CACNA1H: variants seen among roughly 807,000 people sequenced by gnomAD.
CACNA1H encodes the protein calcium voltage-gated channel subunit alpha1 H, also known as voltage-dependent T-type calcium channel subunit alpha-1H.
CACNA1H carries 149 observed loss-of-function variants against 192.5 expected under a neutral mutation model. The ratio of observed to expected loss-of-function variants is 0.77; its 90% CI spans 0.68 to 0.89. The LOEUF (loss-of-function observed/expected upper bound fraction) is 0.89, where lower values mean the gene tolerates loss of function less well. Ranked by LOEUF, CACNA1H falls within the 40% of genes least tolerant of loss-of-function variation. The pLI, the probability that CACNA1H is intolerant of heterozygous loss-of-function variation, is 0.00. For missense variants in CACNA1H, 4,257 were observed against 3,423.5 expected, an observed-to-expected ratio of 1.24 and a Z score of -6.08; for synonymous variants, 2,202 against 1,475.2, an observed-to-expected ratio of 1.49 and a Z score of -11.29.
chr16:1,205,995 G>A, intron 11 of CACNA1H, 109 bp from the exon 12 acceptor site: 1 of 1,016,642 alleles, frequency 9.8e-7, no homozygotes, highest in Non-Finnish European at 1.4e-6. Flanking sequence ...TCTGTGGGAT[G>A]CAGCACAGGC....
Position 1,206,161 on chromosome 16 carries a change from G to T in CACNA1H, c.2661G>T (p.Arg887=). ...GCTTGTCTGTGCTGCGCACCTTCCG[G>T]CTGCTGCGTGTGCTGAAGCTGGTGC... is the stretch of plus-strand genomic sequence containing the variant. ...DGGLSVLRTF[R]LLRVLKLVRF... The change falls in exon 12 of 35, where the codon CGG becomes CGT. Residue 887 remains arginine (R), a synonymous_variant. Transcript: ENST00000348261. 2 of 1,585,622 alleles carry T rather than the reference G, an allele frequency of 1.3e-6. No homozygotes were observed.
At position 1,200,775 on chromosome 16, in the gene CACNA1H, C is replaced by A; in HGVS notation, c.1179C>A (p.Phe393Leu). Residue 393 changes from phenylalanine to leucine, a missense_variant, in exon 8 of 35, where the codon TTC becomes TTA. By Grantham distance (22) the Phe-to-Leu change is conservative (BLOSUM62 0). Transcript: ENST00000348261. ...IMYYVMDAHS[F>L]YNFIYFILLI... ...ACTACGTCATGGACGCCCACTCATTCTACAACTTCATCTATTTCATCCTGC... is the reference window on the plus strand; with the variant it reads ...ACTACGTCATGGACGCCCACTCATTATACAACTTCATCTATTTCATCCTGC... 1 of 1,554,190 alleles carries A rather than the reference C, an allele frequency of 6.4e-7. No homozygotes were observed. Among genetic ancestry groups the A allele is most frequent in the Non-Finnish European group, 8.7e-7 (1 of 1,148,648 alleles).
intron 17 of CACNA1H, among the ~76,000 whole-genome samples, 153 bp from the exon 18 acceptor site, chr16:1,209,882 G>A (rs1439597080): frequency 6.6e-6 from 1 of 152,248 alleles, no homozygotes; most frequent in Non-Finnish European, 1.5e-5. Flanking sequence ...CCAGAGGCCA[G>A]AAAGCCAGAG....
rs1267042054 is a variant in CACNA1H at position 1,204,269 on chromosome 16, A to G, written c.2262A>G (p.Pro754=). The G allele has an allele frequency of 6.2e-7, 1 of 1,608,780 alleles. No homozygotes were observed. The highest frequency in any genetic ancestry group is 2.2e-5 in the East Asian group (1 of 44,714). The part of the protein sequence containing the change: ...RPPRATDTPG[P]GPGSPQRRAQ... ...CCCGTGCGACGGACACACCAGGCCC[A>G]GGCCCAGGCAGCCCCCAGCGGCGGG... The change falls in exon 10 of 35, where the codon CCA becomes CCG. Residue 754 remains proline (P), a synonymous_variant. Coordinates refer to ENST00000348261, the MANE Select transcript of CACNA1H (RefSeq NM_021098.3).
chr16:1,161,596 C>T (rs1283186886), intron 2 of CACNA1H, among the ~76,000 whole-genome samples: 1 of 152,228 alleles, frequency 6.6e-6, no homozygotes, highest in Admixed American at 6.5e-5. Flanking sequence ...CCAGCCTGGG[C>T]AGTGCCTCCA....
At position 1,207,134 on chromosome 16, in the gene CACNA1H, C is replaced by G; in HGVS notation, c.2907+16C>G. The G allele has an allele frequency of 2.5e-6, 4 of 1,569,058 alleles. No individual in the cohort carries two copies. The highest frequency in any genetic ancestry group is 3.5e-6 in the Non-Finnish European group (4 of 1,155,880). On this transcript the variant is annotated intron_variant, in intron 13 of 34. Coordinates refer to ENST00000348261, the MANE Select transcript of CACNA1H (RefSeq NM_021098.3). The stretch of plus-strand genomic sequence containing the variant: ...CGTGTTCCAGGTAGTGCCCGGGGTC[C>G]CCGCAGCAGTGTTGGGTGCTGAGTG...
rs917012995 is a variant in CACNA1H at position 1,218,559 on chromosome 16, A to C, written c.5795A>C (p.Tyr1932Ser). ...ATGCTCTCGCTGCCCAACGACAGCT[A>C]CATGTTCAGGCCCGTGGTGCCTGCC... ...SRMLSLPNDS[Y>S]MFRPVVPASA... is the part of the protein sequence containing the mutation. The change falls in exon 33 of 35, where the codon TAC (tyrosine) becomes TCC (serine). Residue 1932 changes from tyrosine (Y) to serine (S), a missense_variant. Transcript: ENST00000348261. 1.9e-6 allele frequency: 3 copies of C among 1,563,440 alleles called. No individual in the cohort carries two copies. The African/African-American group carries it at 4.1e-5, about 21-fold the overall frequency.
At chr16:1,174,130 G>A (rs976726998) in intron 2 of CACNA1H, among the ~76,000 whole-genome samples, 8 of 152,308 alleles carry the variant, frequency 5.3e-5, no homozygotes, top group Admixed American at 2.0e-4. Flanking sequence ...CCACAGAGCC[G>A]TGGCCCCTCA....
chr16:1,212,464 G>T, intron 25 of CACNA1H, 47 bp from the exon 26 acceptor site: 1 of 1,584,590 alleles, frequency 6.3e-7, no homozygotes, highest in Non-Finnish European at 8.6e-7. Context: ...CTCCAGGCCC[G>T]AGTGCGCCAC....
At position 1,204,132 on chromosome 16, in the gene CACNA1H, G is replaced by A. The variant is rs1596419043; in HGVS notation, c.2125G>A (p.Asp709Asn). ...SCPYCTRALE[D>N]PEGELSGSES... is the part of the protein sequence containing the mutation. The stretch of plus-strand genomic sequence containing the variant: ...CCCGTACTGCACCCGTGCCCTGGAG[G>A]ACCCGGAGGGTGAGCTCAGCGGCTC... The change falls in exon 10 of 35, where the codon GAC (aspartate) becomes AAC (asparagine). Residue 709 changes from aspartate (D) to asparagine (N), a missense_variant. Transcript: ENST00000348261. The A allele has an allele frequency of 1.2e-6, 2 of 1,612,432 alleles. No homozygotes were observed. Among genetic ancestry groups the A allele is most frequent in the Non-Finnish European group, 1.7e-6 (2 of 1,179,754 alleles).
chr16:1,165,637 G>C (rs1567441792), intron 2 of CACNA1H, among the ~76,000 whole-genome samples: 1 of 152,180 alleles, frequency 6.6e-6, no homozygotes, highest in African/African-American at 2.4e-5. Context: ...GCCAGGCACA[G>C]CTGCGTCCCC....
At chr16:1,208,418 G>A (rs548718151) in intron 16 of CACNA1H, among the ~76,000 whole-genome samples, 197 bp downstream of exon 16, 2 of 152,322 alleles carry the variant, frequency 1.3e-5, no homozygotes, top group Non-Finnish European at 2.9e-5. Flanking sequence ...CCGGTGTGAA[G>A]GGGCAGACGC....
chr16:1,154,805 C>T (rs1293430773), intron 2 of CACNA1H, among the ~76,000 whole-genome samples: 2 of 152,152 alleles, frequency 1.3e-5, no homozygotes, highest in African/African-American at 2.4e-5. Flanking sequence ...TGGGTCAGGG[C>T]CAGGGGCATT....
chr16:1,161,900 A>G (rs1963241267), intron 2 of CACNA1H, among the ~76,000 whole-genome samples: 1 of 152,102 alleles, frequency 6.6e-6, no homozygotes, highest in South Asian at 2.1e-4. Flanking sequence ...GGACGCGTTA[A>G]TGGAGCTGCA....
chr16:1,201,363 G>A (rs985736628), intron 8 of CACNA1H, among the ~76,000 whole-genome samples: 9 of 152,136 alleles, frequency 5.9e-5, no homozygotes, highest in African/African-American at 2.2e-4. Flanking sequence ...AGTGGCCACC[G>A]TTGAGAGGGT....
intron 2 of CACNA1H, among the ~76,000 whole-genome samples, chr16:1,159,007 C>T (rs1416853579): frequency 6.6e-6 from 1 of 152,252 alleles, no homozygotes; most frequent in African/African-American, 2.4e-5. Context: ...CTGGGATCGT[C>T]CTTGGCACTG....
intron 2 of CACNA1H, among the ~76,000 whole-genome samples, chr16:1,154,427 G>A (rs953198606): frequency 6.6e-6 from 1 of 152,138 alleles, no homozygotes; most frequent in Admixed American, 6.5e-5. Context: ...TGAAGGTCCT[G>A]CCCGAGGCAG....
intron 2 of CACNA1H, among the ~76,000 whole-genome samples, chr16:1,154,680 C>T (rs1962065243): frequency 6.6e-6 from 1 of 152,160 alleles, no homozygotes; most frequent in Non-Finnish European, 1.5e-5. Flanking sequence ...GCAATTGGCA[C>T]TGCCAAGGGG....
chr16:1,194,897 C>T (rs1009232018), intron 2 of CACNA1H, 75 bp from the exon 3 acceptor site: 16 of 1,094,380 alleles, frequency 1.5e-5, no homozygotes, highest in African/African-American at 4.6e-5. Context: ...TCCGGCTGAC[C>T]GGGTGGGCAT....
Sources: allele counts gnomAD v4.1 joint callset (sites outside exome capture counted in the v4.1 genomes callset), GRCh38; gene constraint gnomAD v4.1.1; transcripts MANE v1.5; gene names NCBI Gene and HGNC (gene_info 2026-07-23, HGNC 2026-07-21).